GRHL2: variants seen among roughly 807,000 people sequenced by gnomAD.
GRHL2 encodes grainyhead like transcription factor 2, also known as grainyhead-like protein 2 homolog.
In GRHL2, 21 loss-of-function variants were observed where a neutral mutation model predicts 83.8. The observed-to-expected ratio is 0.25, with a 90% CI of 0.18 to 0.36. The LOEUF is 0.36. GRHL2 is among the 10% of genes least tolerant of loss of function. The pLI, the probability that GRHL2 is intolerant of heterozygous loss-of-function variation, is 1.00. For missense variants in GRHL2, 623 were observed against 781.8 expected (o/e 0.80, Z 2.42); for synonymous variants, 280 against 278.9 (o/e 1.00, Z -0.04).
intron 13 of GRHL2, among the ~76,000 whole-genome samples, chr8:101,645,116 A>ATTTTT (rs553249046): frequency 7.7e-5 from 9 of 117,344 alleles, no homozygotes; most frequent in Admixed American, 9.0e-5. Context: ...GCAGTACAGA[A>ATTTTT]TTTTTTTTTT....
intron 1 of GRHL2, among the ~76,000 whole-genome samples, chr8:101,505,433 C>T (rs1440798191): frequency 4.0e-5 from 6 of 151,890 alleles, no homozygotes; most frequent in South Asian, 2.1e-4. Context: ...CAAAATTAGC[C>T]GGATGTGGTG....
chr8:101,566,311 A>G (rs1382955235), intron 4 of GRHL2, among the ~76,000 whole-genome samples: 1 of 152,000 alleles, frequency 6.6e-6, no homozygotes, highest in Non-Finnish European at 1.5e-5. Context: ...ATCACTCATT[A>G]TTTATATTAA....
intron 1 of GRHL2, among the ~76,000 whole-genome samples, chr8:101,494,813 C>T (rs1052911220): frequency 1.9e-4 from 29 of 152,204 alleles, no homozygotes; most frequent in African/African-American, 6.8e-4. Context: ...TCACCACACG[C>T]ATCACCTGGT....
At chr8:101,511,056 G>A (rs905156562) in intron 1 of GRHL2, among the ~76,000 whole-genome samples, 3 of 151,802 alleles carry the variant, frequency 2.0e-5, no homozygotes, top group African/African-American at 2.4e-5. Context: ...AGTGGAGATC[G>A]TGCCACTGCA....
At chr8:101,658,987 A>G (rs1340975984) in intron 14 of GRHL2, among the ~76,000 whole-genome samples, 1 of 152,210 alleles carries the variant, frequency 6.6e-6, no homozygotes, top group African/African-American at 2.4e-5. Flanking sequence ...GGTGAAATAT[A>G]TGGACCCTTT....
chr8:101,506,751 T>G (rs2129989304), intron 1 of GRHL2, among the ~76,000 whole-genome samples: 1 of 152,288 alleles, frequency 6.6e-6, no homozygotes, highest in African/African-American at 2.4e-5. Context: ...TTTAACAATT[T>G]GTGTTCTACC....
At chr8:101,577,374 C>T (rs1322825198) in intron 6 of GRHL2, 34 bp from the exon 7 acceptor site, 2 of 1,426,594 alleles carry the variant, frequency 1.4e-6, no homozygotes, top group East Asian at 4.6e-5. Context: ...AGGCACTGAA[C>T]AAAAAGTAAG....
rs531342500 is a variant in GRHL2 at position 101,579,131 on chromosome 8, G to A, written c.1003+1612G>A. 3.9e-4 allele frequency among the ~76,000 whole-genome samples: 59 copies of A among 152,288 alleles called. 2 individuals are homozygous for A. In the South Asian group the frequency reaches 0.011, roughly 28 times the overall value. On this transcript the variant is annotated intron_variant, in intron 7 of 15. Transcript: ENST00000646743. Reference sequence around the variant, plus strand: ...CCTGGTGACTAGGACGGGGATTGGGGATACTTGCCTTAACCTGTTTAGTTA... The same window carrying A: ...CCTGGTGACTAGGACGGGGATTGGGAATACTTGCCTTAACCTGTTTAGTTA...
At chr8:101,532,619 A>G (rs186974219) in intron 1 of GRHL2, among the ~76,000 whole-genome samples, 1,768 of 152,094 alleles carry the variant, frequency 0.012, 31 homozygotes, top group African/African-American at 0.04. Flanking sequence ...GCGTGGTGGC[A>G]TGCACCTGCA....
intron 1 of GRHL2, among the ~76,000 whole-genome samples, chr8:101,509,802 G>C (rs1643122748): frequency 6.6e-6 from 1 of 152,046 alleles, no homozygotes; most frequent in Non-Finnish European, 1.5e-5. Context: ...GATTTCATGT[G>C]ATCCAAGCTA....
At chr8:101,610,598 C>T (rs7835323) in intron 8 of GRHL2, among the ~76,000 whole-genome samples, 75,126 of 150,278 alleles carry the variant, frequency 0.5, 21,090 homozygotes, top group African/African-American at 0.71. Context: ...GACACTCTAC[C>T]GTTTAAAAGT....
chr8:101,661,654 A>G (rs1316898725), intron 14 of GRHL2, among the ~76,000 whole-genome samples: 2 of 152,150 alleles, frequency 1.3e-5, no homozygotes, highest in Non-Finnish European at 2.9e-5. Flanking sequence ...TGGCTGATTG[A>G]ATCCAAGAAT....
intron 9 of GRHL2, among the ~76,000 whole-genome samples, chr8:101,623,761 C>T (rs1266700222): frequency 1.3e-5 from 2 of 152,100 alleles, no homozygotes; most frequent in Non-Finnish European, 2.9e-5. Flanking sequence ...TATGACAGTA[C>T]ACAGTAGAAC....
chr8:101,660,877 A>G (rs1813905777), intron 14 of GRHL2, among the ~76,000 whole-genome samples: 1 of 152,018 alleles, frequency 6.6e-6, no homozygotes, highest in African/African-American at 2.4e-5. Flanking sequence ...TGAAATGCCT[A>G]CCCTCTCCCC....
At chr8:101,679,232 G>C in the GRHL2 span, among the ~76,000 whole-genome samples, 2 of 145,850 alleles carry the variant, frequency 1.4e-5, no homozygotes, top group Admixed American at 1.4e-4. Flanking sequence ...GTGCTTAAAG[G>C]AGCTGATGGA....
In GRHL2 at chr8:101,627,726, A is replaced by C. The variant is rs149395658; in HGVS notation, c.1258-3911A>C. Among the ~76,000 whole-genome samples, 62 of 152,290 alleles carry C rather than the reference A, an allele frequency of 4.1e-4. No homozygotes were observed. In the East Asian group the frequency reaches 0.011, roughly 27 times the overall value. ...GTTAGCCAACGTGCGAATGCAAAGG[A>C]AAGTTCTTGAAGGAAATTAAAAGTG... On this transcript the variant is annotated intron_variant, in intron 9 of 15. Transcript: ENST00000646743.
rs1181116093 is a variant in GRHL2, at chr8:101,594,092, AAAAAAAG to A, written c.1004-4963_1004-4957del. Among the ~76,000 whole-genome samples, 253 of 133,792 alleles carry A rather than the reference AAAAAAAG, an allele frequency of 1.9e-3. 9 individuals carry two copies. The highest frequency in any genetic ancestry group is 7.5e-3 in the African/African-American group (239 of 32,006). 87.8% of individuals were successfully genotyped at this position (133,792 alleles called of 152,430 possible). On this transcript the variant is annotated intron_variant, in intron 7 of 15. Transcript: ENST00000646743. Reference sequence around the variant, plus strand: ...ATCAAAAAAAAAAAAAAAAAAAAAAAAAAAAAGAGAGAGATAGTGAAGGGGGAACAGA... The same window carrying A: ...ATCAAAAAAAAAAAAAAAAAAAAAAAAGAGAGATAGTGAAGGGGGAACAGA...
the GRHL2 span, among the ~76,000 whole-genome samples, chr8:101,677,445 T>C: frequency 1.3e-5 from 2 of 151,882 alleles, no homozygotes; most frequent in African/African-American, 2.4e-5. Flanking sequence ...ACCTCCAAGA[T>C]TGTATATAGT....
chr8:101,518,469 G>C (rs947901624), intron 1 of GRHL2, among the ~76,000 whole-genome samples: 1 of 152,104 alleles, frequency 6.6e-6, no homozygotes, highest in Non-Finnish European at 1.5e-5. Flanking sequence ...CATTTCCAGG[G>C]TACCAGGAGT....
Sources: allele counts gnomAD v4.1 joint callset (sites outside exome capture counted in the v4.1 genomes callset), GRCh38; gene constraint gnomAD v4.1.1; transcripts MANE v1.5; gene names NCBI Gene and HGNC (gene_info 2026-07-23, HGNC 2026-07-21).